The following ALMS1 variants were observed in gnomAD, a reference collection of about 807,000 sequenced individuals.
ALMS1 encodes ALMS1 centrosome and basal body associated protein, also known as centrosome-associated protein ALMS1.
Under a neutral mutation model 352.2 loss-of-function variants are expected in ALMS1, and 271 were observed. That is an observed-to-expected ratio of 0.77 (90% CI 0.70 to 0.85). ALMS1 has a LOEUF of 0.85. Ranked by LOEUF, ALMS1 falls within the 40% of genes least tolerant of loss-of-function variation. The pLI is 0.00. For missense variants in ALMS1, 5,445 were observed against 4,870.7 expected, an observed-to-expected ratio of 1.12 and a Z score of -3.51; for synonymous variants, 1,865 against 1,761.2, an observed-to-expected ratio of 1.06 and a Z score of -1.48.
At chr2:73,465,108 G>GGT (rs1558656569) in intron 9 of ALMS1, among the ~76,000 whole-genome samples, 3 of 152,098 alleles carry the variant, frequency 2.0e-5, no homozygotes, top group African/African-American at 7.3e-5. Context: ...AGCTACCGGT[G>GGT]ACTTTCTTCA....
rs1553409598 is a variant in ALMS1 at position 73,489,720 on chromosome 2, C to T, written c.7761C>T (p.Phe2587=). The T allele has an allele frequency of 4.3e-6, 7 of 1,614,066 alleles. No homozygotes were observed. The highest frequency in any genetic ancestry group is 5.9e-6 in the Non-Finnish European group (7 of 1,180,026). Residue 2587 remains phenylalanine (F), a synonymous_variant, in exon 10 of 23, where the codon TTC becomes TTT. Transcript: ENST00000613296. ...IIIESHEKGC[F]RTLTSEHPQL... ...TTGAGAGCCATGAAAAGGGATGTTT[C>T]CGGACTCTAACTTCTGAACATCCAC...
chr2:73,425,425 C>T (rs1312915457), intron 5 of ALMS1, among the ~76,000 whole-genome samples: 1 of 152,148 alleles, frequency 6.6e-6, no homozygotes, highest in African/African-American at 2.4e-5. Context: ...CATGTACTCT[C>T]CAGGGGACAT....
intron 1 of ALMS1, among the ~76,000 whole-genome samples, chr2:73,406,228 A>G (rs1478794555): frequency 6.6e-6 from 1 of 152,094 alleles, no homozygotes; most frequent in East Asian, 1.9e-4. Context: ...TTGTGCATTG[A>G]CCCCATAGTG....
intron 1 of ALMS1, among the ~76,000 whole-genome samples, chr2:73,395,080 T>TATATA (rs1367871804): frequency 2.8e-5 from 3 of 108,658 alleles, no homozygotes; most frequent in Non-Finnish European, 5.4e-5. Flanking sequence ...ATATATATAT[T>TATATA]TTTTTTTTTT....
At chr2:73,535,023 G>A in intron 12 of ALMS1, 74 bp downstream of exon 12, 2 of 1,578,478 alleles carry the variant, frequency 1.3e-6, no homozygotes, top group South Asian at 1.1e-5. Flanking sequence ...ATTCTGGAGT[G>A]ACAAAAGTCC....
chr2:73,585,741 T>TTTTTTC lies in ALMS1; in HGVS notation c.11547+12317_11547+12318insTTTTTC, dbSNP rs1553420024. Among the ~76,000 whole-genome samples the TTTTTTC allele has an allele frequency of 1.4e-3, 203 of 148,612 alleles. 3 individuals are homozygous for TTTTTTC. Among genetic ancestry groups the TTTTTTC allele is most frequent in the African/African-American group, 4.5e-3 (179 of 39,838 alleles). On this transcript the variant is annotated intron_variant, in intron 16 of 22. Transcript: ENST00000613296. ...ACTTCTTGGCCTTTTTTTTTTTTTT[T>TTTTTTC]CCCCGAGACGGAGTCTCGCTCTTGT...
At chr2:73,440,836 A>G (rs1462457891) in intron 7 of ALMS1, among the ~76,000 whole-genome samples, 2 of 152,190 alleles carry the variant, frequency 1.3e-5, no homozygotes, top group Non-Finnish European at 2.9e-5. Context: ...ATTCCTATTT[A>G]TAATCTTCTG....
At chr2:73,550,161 G>A (rs1573012957) in intron 12 of ALMS1, 106 bp from the exon 13 acceptor site, 2 of 1,216,146 alleles carry the variant, frequency 1.6e-6, no homozygotes, top group East Asian at 2.4e-5. Context: ...TGCCTGGCCT[G>A]TAGTGCTTTT....
chr2:73,453,721 C>T lies in ALMS1; in HGVS notation c.7194C>T (p.Thr2398=). The change falls in exon 8 of 23, where the codon ACC becomes ACT. Residue 2398 remains threonine (T), a synonymous_variant. Transcript: ENST00000613296. ...MRSEPEGCSG[T]IGNKIIIPMM... is the part of the protein sequence containing the mutation. ...CTGAACCTGAAGGGTGTAGTGGAAC[C>T]ATTGGGAATAAAATTATTATCCCTA... 1 of 1,614,068 alleles carries T rather than the reference C, an allele frequency of 6.2e-7. No homozygotes were observed. Among genetic ancestry groups the T allele is most frequent in the Non-Finnish European group, 8.5e-7 (1 of 1,180,004 alleles).
chr2:73,453,617 C>G lies in ALMS1; in HGVS notation c.7090C>G (p.Gln2364Glu). The G allele has an allele frequency of 6.2e-7, 1 of 1,613,962 alleles. No homozygotes were observed. The highest frequency in any genetic ancestry group is 8.5e-7 in the Non-Finnish European group (1 of 1,179,996). Residue 2364 changes from glutamine to glutamate, a missense_variant, in exon 8 of 23, where the codon CAG becomes GAG. Transcript: ENST00000613296. ...ISSTTVRSPL[Q>E]EAESKVSMAL... ...TTCAACTACAGTTAGAAGTCCTCTA[C>G]AGGAAGCAGAGAGCAAAGTCAGTAT...
At chr2:73,538,920 A>G (rs974164885) in intron 12 of ALMS1, among the ~76,000 whole-genome samples, 3 of 152,170 alleles carry the variant, frequency 2.0e-5, no homozygotes, top group Non-Finnish European at 1.5e-5. Flanking sequence ...CCATACCTCA[A>G]GGATGCCTGC....
intron 16 of ALMS1, among the ~76,000 whole-genome samples, chr2:73,595,487 G>T (rs1379888806): frequency 2.0e-5 from 3 of 152,108 alleles, no homozygotes; most frequent in Non-Finnish European, 4.4e-5. Context: ...GTTCCTTTTT[G>T]TTGCTGAATA....
intron 13 of ALMS1, among the ~76,000 whole-genome samples, chr2:73,551,072 T>C (rs1211390626): frequency 6.6e-6 from 1 of 152,148 alleles, no homozygotes; most frequent in Non-Finnish European, 1.5e-5. Context: ...TTGCCTGGGC[T>C]GGTCTTGAAT....
chr2:73,405,058 A>G (rs1033275897), intron 1 of ALMS1, among the ~76,000 whole-genome samples: 10 of 151,296 alleles, frequency 6.6e-5, no homozygotes, highest in Admixed American at 2.6e-4. Flanking sequence ...ACCACAGGCA[A>G]GCACCACCAT....
chr2:73,387,128 A>G (rs536115810), intron 1 of ALMS1, among the ~76,000 whole-genome samples: 1 of 152,346 alleles, frequency 6.6e-6, no homozygotes, highest in African/African-American at 2.4e-5. Flanking sequence ...CATCACAGAC[A>G]GTGAAGGTGT....
Position 73,453,622 on chromosome 2 carries a change from A to G in ALMS1, c.7095A>G (p.Glu2365=). Residue 2365 remains glutamate (E), a synonymous_variant, in exon 8 of 23, where the codon GAA becomes GAG. Coordinates refer to ENST00000613296, the MANE Select transcript of ALMS1 (RefSeq NM_001378454.1). ...SSTTVRSPLQ[E]AESKVSMALE... is the part of the protein sequence containing the mutation. ...CTACAGTTAGAAGTCCTCTACAGGA[A>G]GCAGAGAGCAAAGTCAGTATGGCAT... is the stretch of plus-strand genomic sequence containing the variant. The G allele has an allele frequency of 6.2e-7, 1 of 1,614,074 alleles. No individual in the cohort carries two copies. The highest frequency in any genetic ancestry group is 8.5e-7 in the Non-Finnish European group (1 of 1,180,004).
intron 7 of ALMS1, among the ~76,000 whole-genome samples, chr2:73,439,491 T>A (rs1671672920): frequency 6.6e-6 from 1 of 152,182 alleles, no homozygotes; most frequent in African/African-American, 2.4e-5. Flanking sequence ...AGACATCATA[T>A]AATTGGGTCA....
intron 12 of ALMS1, among the ~76,000 whole-genome samples, chr2:73,538,613 G>T (rs1448655676): frequency 6.6e-6 from 1 of 152,202 alleles, no homozygotes; most frequent in Non-Finnish European, 1.5e-5. Context: ...AGCGCAAGGG[G>T]TCATGGAATT....
chr2:73,603,040 G>A (rs368861880), intron 20 of ALMS1, among the ~76,000 whole-genome samples: 1 of 152,186 alleles, frequency 6.6e-6, no homozygotes, highest in South Asian at 2.1e-4. Context: ...CTTTGCTACA[G>A]AGTGTTAGGT....
Sources: allele counts gnomAD v4.1 joint callset (sites outside exome capture counted in the v4.1 genomes callset), GRCh38; gene constraint gnomAD v4.1.1; transcripts MANE v1.5; gene names NCBI Gene and HGNC (gene_info 2026-07-23, HGNC 2026-07-21).